RHOBTB1: variants seen among roughly 807,000 people sequenced by gnomAD.
The protein encoded by RHOBTB1 is rho-related BTB domain-containing protein 1.
Under a neutral mutation model 71.6 loss-of-function variants are expected in RHOBTB1, and 40 were observed. The ratio of observed to expected loss-of-function variants is 0.56; its 90% CI spans 0.43 to 0.73. The LOEUF (loss-of-function observed/expected upper bound fraction) is 0.73, where lower values mean the gene tolerates loss of function less well. RHOBTB1 is among the 30% of genes least tolerant of loss of function. RHOBTB1 has a pLI of 0.00. For synonymous variants in RHOBTB1, 319 were observed against 334.9 expected (o/e 0.95, Z 0.52); for missense variants, 797 against 894.0 (o/e 0.89, Z 1.38).
Position 60,969,071 on chromosome 10 carries a change from C to G in RHOBTB1, c.-62+16774G>C, listed in dbSNP as rs146408725. 5.2e-3 allele frequency among the ~76,000 whole-genome samples: 794 copies of G among 152,114 alleles called. 1 individual carries two copies. The highest frequency in any genetic ancestry group is 7.1e-3 in the Non-Finnish European group (483 of 67,994). ...TGATGCAAAGTTAGGATTTCACTTA[C>G]TGAGTAAGTGAGATGACAGAATTAG... is the stretch of plus-strand genomic sequence containing the variant. On this transcript the variant is annotated intron_variant, in intron 2 of 11. Coordinates refer to the RHOBTB1 transcript ENST00000357917.
intron 1 of RHOBTB1, among the ~76,000 whole-genome samples, chr10:60,999,040 G>C (rs991163081): frequency 6.6e-6 from 1 of 152,220 alleles, no homozygotes; most frequent in African/African-American, 2.4e-5. Flanking sequence ...TTGTGGCACA[G>C]TGCCTAGTAT....
chr10:60,976,815 A>G (rs2086332348), intron 2 of RHOBTB1, among the ~76,000 whole-genome samples: 1 of 152,034 alleles, frequency 6.6e-6, no homozygotes, highest in African/African-American at 2.4e-5. Flanking sequence ...TGGTTTCAAA[A>G]ATACATGTTA....
chr10:60,976,064 T>C (rs2086304321), intron 2 of RHOBTB1, among the ~76,000 whole-genome samples: 1 of 152,030 alleles, frequency 6.6e-6, no homozygotes, highest in African/African-American at 2.4e-5. Context: ...GAAAATGATA[T>C]ATCCAATTTA....
At chr10:60,895,586 T>G (rs898016273) in intron 4 of RHOBTB1, among the ~76,000 whole-genome samples, 2 of 152,318 alleles carry the variant, frequency 1.3e-5, no homozygotes, top group African/African-American at 4.8e-5. Context: ...GTATTTTTAG[T>G]AGAGACGGGG....
intron 4 of RHOBTB1, among the ~76,000 whole-genome samples, chr10:60,903,702 G>A (rs545695329): frequency 6.6e-6 from 1 of 150,978 alleles, no homozygotes; most frequent in South Asian, 2.1e-4. Flanking sequence ...CAGACTATGA[G>A]CCACTGAGGC....
chr10:60,878,278 T>C (rs12266720), intron 7 of RHOBTB1, among the ~76,000 whole-genome samples: 36,487 of 152,100 alleles, frequency 0.24, 4,750 homozygotes, highest in African/African-American at 0.35. Flanking sequence ...CACAGCCTGA[T>C]GTGGAATTTT....
chr10:60,919,158 T>A (rs983381610), intron 2 of RHOBTB1, among the ~76,000 whole-genome samples: 7 of 152,006 alleles, frequency 4.6e-5, no homozygotes, highest in African/African-American at 1.7e-4. Context: ...TCACAGACAG[T>A]CTGAATGATG....
chr10:60,982,801 T>G (rs888576832), intron 2 of RHOBTB1, among the ~76,000 whole-genome samples: 3 of 152,192 alleles, frequency 2.0e-5, no homozygotes, highest in Non-Finnish European at 4.4e-5. Flanking sequence ...AGGGCTAGAA[T>G]GCATGTAGAC....
At chr10:60,866,821 C>T (rs12245333), downstream of RHOBTB1, among the ~76,000 whole-genome samples, 26,986 of 151,840 alleles carry the variant, frequency 0.18, 3,385 homozygotes, top group African/African-American at 0.33. Flanking sequence ...ACCATAGCTC[C>T]TATTTTCTAA....
intron 1 of RHOBTB1, among the ~76,000 whole-genome samples, chr10:61,000,312 GC>G (rs2087214299): frequency 6.6e-6 from 1 of 152,018 alleles, no homozygotes; most frequent in South Asian, 2.1e-4. Flanking sequence ...AAGGCTAGCG[GC>G]CCAAGAAGCA....
At chr10:60,944,483 A>G (rs1186595689), upstream of RHOBTB1, among the ~76,000 whole-genome samples, 1 of 152,074 alleles carries the variant, frequency 6.6e-6, no homozygotes, top group Non-Finnish European at 1.5e-5. Flanking sequence ...ATCGCCCGGG[A>G]CAAACCGACA....
intron 2 of RHOBTB1, among the ~76,000 whole-genome samples, chr10:60,920,922 G>A (rs1213154433): frequency 6.6e-6 from 1 of 151,280 alleles, no homozygotes; most frequent in Non-Finnish European, 1.5e-5. Context: ...CTCCCAAAAT[G>A]CTGGGATTAC....
At chr10:60,965,473 T>C (rs943105430) in intron 2 of RHOBTB1, among the ~76,000 whole-genome samples, 1 of 152,148 alleles carries the variant, frequency 6.6e-6, no homozygotes, top group Non-Finnish European at 1.5e-5. Flanking sequence ...GTTGGTATCA[T>C]GATTCTTCCC....
intron 5 of RHOBTB1, among the ~76,000 whole-genome samples, chr10:60,890,074 G>T (rs1322713283): frequency 1.5e-4 from 23 of 152,170 alleles, no homozygotes; most frequent in Admixed American, 1.4e-3. Context: ...AGGTTAAAGG[G>T]TTTGTCTGAA....
chr10:60,894,471 T>C (rs1212564825), intron 4 of RHOBTB1, among the ~76,000 whole-genome samples: 2 of 152,210 alleles, frequency 1.3e-5, no homozygotes, highest in East Asian at 1.9e-4. Context: ...AAAGGAAACA[T>C]GTCTTGTCTT....
In RHOBTB1 at chr10:60,886,109, T is replaced by A. The variant is rs766793678; in HGVS notation, c.1575+3A>T. On this transcript the variant is annotated splice_donor_region_variant and intron_variant, in intron 7 of 10. Transcript: ENST00000337910. Reference sequence around the variant, plus strand: ...ACCACTATGCTTTTAGGAAGGCACGTACCTCACTGTTGGCACTTTCCACAA... The same window carrying A: ...ACCACTATGCTTTTAGGAAGGCACGAACCTCACTGTTGGCACTTTCCACAA... The A allele has an allele frequency of 2.5e-6, 4 of 1,604,932 alleles. No homozygotes were observed. The highest frequency in any genetic ancestry group is 3.4e-6 in the Non-Finnish European group (4 of 1,171,720).
intron 2 of RHOBTB1, among the ~76,000 whole-genome samples, chr10:60,976,638 G>C (rs2086325768): frequency 6.6e-6 from 1 of 151,914 alleles, no homozygotes. Context: ...TTGTCCAACA[G>C]ACCCGATAGG....
intron 5 of RHOBTB1, among the ~76,000 whole-genome samples, chr10:60,891,898 G>A (rs890894832): frequency 4.6e-5 from 7 of 152,188 alleles, no homozygotes; most frequent in Non-Finnish European, 7.4e-5. Context: ...TCGTGGGGGC[G>A]GTTCCCCCAT....
chr10:60,989,911 T>C (rs1006710458), intron 1 of RHOBTB1, among the ~76,000 whole-genome samples: 1 of 151,292 alleles, frequency 6.6e-6, no homozygotes, highest in Non-Finnish European at 1.5e-5. Context: ...GCTGTGCTCA[T>C]ACAATACTCT....
Sources: gnomAD v4.1 joint callset for allele counts (sites outside exome capture counted in the v4.1 genomes callset) on GRCh38, gnomAD v4.1.1 for gene constraint, MANE v1.5 for transcripts, NCBI Gene and HGNC (gene_info 2026-07-23, HGNC 2026-07-21) for gene names.